The following HHLA2 variants were observed in gnomAD, a reference collection of about 807,000 sequenced individuals.
HHLA2 encodes HHLA2 member of B7 family, also known as HERV-H LTR-associating protein 2.
Under a neutral mutation model 45.9 loss-of-function variants are expected in HHLA2, and 48 were observed. That is an observed-to-expected ratio of 1.05 (90% CI 0.83 to 1.33). The LOEUF (loss-of-function observed/expected upper bound fraction) is 1.33, where lower values mean the gene tolerates loss of function less well. Among genes scored for constraint, HHLA2 ranks in the 40% most tolerant of loss-of-function variants. The probability of loss-of-function intolerance (pLI) is 0.00; values close to 1 mark genes in which losing one functional copy is unlikely to be tolerated. For synonymous variants in HHLA2, 161 were observed against 173.9 expected (o/e 0.93, Z 0.59); for missense variants, 462 against 494.3 (o/e 0.93, Z 0.62).
At chr3:108,346,089 C>T (rs1206226423) in intron 3 of HHLA2, among the ~76,000 whole-genome samples, 3 of 142,552 alleles carry the variant, frequency 2.1e-5, no homozygotes, top group Non-Finnish European at 4.6e-5. Flanking sequence ...CTCTTCCTGC[C>T]CTGCAATTGC....
In HHLA2 at chr3:108,357,831, A is replaced by G. The variant is rs1368502013; in HGVS notation, c.686-13A>G. ...TATCTTCATTGATGTTTTCTTTTCT[A>G]TTGTGTTGTTAGATGGCCTTCATAA... On this transcript the variant is annotated splice_polypyrimidine_tract_variant and intron_variant, in intron 6 of 10. Transcript: ENST00000619531. 2.9e-5 allele frequency: 46 copies of G among 1,580,372 alleles called. No homozygotes were observed. Among genetic ancestry groups the G allele is most frequent in the Non-Finnish European group, 3.8e-5 (44 of 1,162,188 alleles).
At chr3:108,373,667 A>C (rs1433785240) in intron 8 of HHLA2, among the ~76,000 whole-genome samples, 2 of 152,002 alleles carry the variant, frequency 1.3e-5, no homozygotes, top group Non-Finnish European at 2.9e-5. Flanking sequence ...AATCACAAGC[A>C]TTCTTATACA....
exon 5 of HHLA2, chr3:108,353,549 T>C (rs1331399378): frequency 6.2e-7 from 1 of 1,613,436 alleles, no homozygotes; most frequent in African/African-American, 1.3e-5. Flanking sequence ...CGTAATACAC[T>C]GGAAGTATCA....
chr3:108,350,434 A>G (rs966506369), intron 3 of HHLA2, among the ~76,000 whole-genome samples: 2 of 152,158 alleles, frequency 1.3e-5, no homozygotes, highest in African/African-American at 4.8e-5. Flanking sequence ...TAAAAATGAA[A>G]CTCTAAATTA....
intron 3 of HHLA2, among the ~76,000 whole-genome samples, chr3:108,336,317 G>C (rs907356107): frequency 6.6e-6 from 1 of 152,110 alleles, no homozygotes; most frequent in Admixed American, 6.6e-5. Context: ...CACTGAACTA[G>C]TGTTTGAAAT....
chr3:108,344,385 A>AT (rs772769796), intron 3 of HHLA2, among the ~76,000 whole-genome samples: 3 of 151,990 alleles, frequency 2.0e-5, no homozygotes, highest in African/African-American at 4.8e-5. Context: ...ACAATAACTG[A>AT]TTTTTTTTCA....
intron 3 of HHLA2, among the ~76,000 whole-genome samples, chr3:108,346,391 A>C (rs1254273797): frequency 6.6e-6 from 1 of 152,204 alleles, no homozygotes; most frequent in African/African-American, 2.4e-5. Flanking sequence ...GGATGCTACA[A>C]AGAGTTTTCC....
intron 1 of HHLA2, among the ~76,000 whole-genome samples, chr3:108,308,409 A>T (rs2080965592): frequency 6.6e-6 from 1 of 152,184 alleles, no homozygotes; most frequent in Admixed American, 6.5e-5. Flanking sequence ...TTATCCATTT[A>T]TCTGTTGATG....
At chr3:108,377,376 C>A in exon 11 of HHLA2, 2 of 874,038 alleles carry the variant, frequency 2.3e-6, no homozygotes, top group East Asian at 2.5e-5. Flanking sequence ...AATGGCCTGT[C>A]GGAGCAGACA....
chr3:108,371,649 A>C (rs1330145915), intron 8 of HHLA2, among the ~76,000 whole-genome samples: 2 of 152,212 alleles, frequency 1.3e-5, no homozygotes, highest in East Asian at 1.9e-4. Context: ...AGCAAATGAC[A>C]AACAAAAAAA....
rs940361651 is a variant in HHLA2 at position 108,372,193 on chromosome 3, C to G, written c.1109-3557C>G. Among the ~76,000 whole-genome samples, 178 of 152,314 alleles carry G rather than the reference C, an allele frequency of 1.2e-3. 1 individual carries two copies. Among genetic ancestry groups the G allele is most frequent in the African/African-American group, 4.2e-3 (173 of 41,558 alleles). On this transcript the variant is annotated intron_variant, in intron 8 of 10. Coordinates refer to ENST00000619531, the Ensembl canonical transcript of HHLA2. ...AAATTCACTCAAAACTGCTCAACTA[C>G]ATGGAAACTGAACAACCTGCTCCTG...
chr3:108,303,952 G>T (rs1269718042), intron 1 of HHLA2, among the ~76,000 whole-genome samples: 3 of 152,148 alleles, frequency 2.0e-5, no homozygotes, highest in African/African-American at 7.2e-5. Flanking sequence ...ATTGGCAGGG[G>T]TGGAAATAAA....
intron 2 of HHLA2, among the ~76,000 whole-genome samples, chr3:108,322,215 C>T (rs1005482438): frequency 6.6e-6 from 1 of 152,134 alleles, no homozygotes; most frequent in Non-Finnish European, 1.5e-5. Flanking sequence ...GCCTCTCAGG[C>T]GGAAGTCACT....
chr3:108,340,951 T>TTCCTTCCTTCCTTCCTTC (rs1560230330), intron 3 of HHLA2, among the ~76,000 whole-genome samples: 3 of 104,192 alleles, frequency 2.9e-5, no homozygotes, highest in African/African-American at 1.4e-4. Context: ...TTCCTTCCTT[T>TTCCTTCCTTCCTTCCTTC]CTTTCTTTCT....
intron 3 of HHLA2, among the ~76,000 whole-genome samples, chr3:108,340,939 CCTTCCTTCCTTT>C (rs149615915): frequency 0.017 from 2,003 of 119,720 alleles, 467 homozygotes; most frequent in Non-Finnish European, 0.019. Context: ...TTCCTTCCTT[CCTTCCTTCCTTT>C]CTTTCTTTCT....
At chr3:108,376,363 G>C in intron 9 of HHLA2, 130 bp from the exon 9 acceptor site, 1 of 657,168 alleles carries the variant, frequency 1.5e-6, no homozygotes, top group East Asian at 3.0e-5. Context: ...TTTTCATGTT[G>C]TTTGTTAAAG....
intron 6 of HHLA2, among the ~76,000 whole-genome samples, chr3:108,357,056 G>A (rs535507261): frequency 2.8e-4 from 42 of 152,192 alleles, no homozygotes; most frequent in East Asian, 3.9e-4. Flanking sequence ...CCTTTTACAC[G>A]TTGCTAAGGA....
At chr3:108,355,483 C>A in intron 6 of HHLA2, 102 bp downstream of exon 5, 2 of 1,348,176 alleles carry the variant, frequency 1.5e-6, no homozygotes, top group African/African-American at 1.5e-5. Flanking sequence ...GAAAAGAAAG[C>A]AAATCCATCT....
chr3:108,350,826 A>G (rs937542596), intron 3 of HHLA2, among the ~76,000 whole-genome samples: 4 of 152,144 alleles, frequency 2.6e-5, no homozygotes, highest in Admixed American at 2.6e-4. Flanking sequence ...CTGGGACTAC[A>G]GGCACATGCC....
Sources: allele counts gnomAD v4.1 joint callset (sites outside exome capture counted in the v4.1 genomes callset), GRCh38; gene constraint gnomAD v4.1.1; transcripts MANE v1.5; gene names NCBI Gene and HGNC (gene_info 2026-07-23, HGNC 2026-07-21).